PYGB: variants seen among roughly 807,000 people sequenced by gnomAD.
PYGB encodes glycogen phosphorylase B, also known as glycogen phosphorylase, brain form.
PYGB carries 82 observed loss-of-function variants against 94.3 expected under a neutral mutation model. That is an observed-to-expected ratio of 0.87 (90% CI 0.73 to 1.04). The LOEUF (loss-of-function observed/expected upper bound fraction) is 1.04. Among genes scored for constraint, PYGB ranks in the 50% least tolerant of loss-of-function variants. The probability of loss-of-function intolerance (pLI) is 0.00; values close to 1 mark genes in which losing one functional copy is unlikely to be tolerated. For missense variants in PYGB, 1,132 were observed against 1,158.2 expected (o/e 0.98, Z 0.33); for synonymous variants, 488 against 479.1 (o/e 1.02, Z -0.24).
intron 14 of PYGB, 96 bp downstream of exon 14, chr20:25,284,347 G>A: frequency 6.7e-7 from 1 of 1,489,504 alleles, no homozygotes; most frequent in African/African-American, 1.4e-5. Flanking sequence ...TGTCATGGTG[G>A]GGGCTGTGTG....
intron 1 of PYGB, among the ~76,000 whole-genome samples, chr20:25,252,379 G>A (rs1004997893): frequency 3.3e-5 from 5 of 152,296 alleles, no homozygotes; most frequent in African/African-American, 1.2e-4. Context: ...TCGGGGGGTG[G>A]TGTTTCCCAC....
At position 25,259,657 on chromosome 20, in the gene PYGB, A is replaced by G. The variant is rs537839927; in HGVS notation, c.345+319A>G. On this transcript the variant is annotated intron_variant, in intron 2 of 19. Transcript: ENST00000216962. ...GAGCACTGCACCAGTGGTTGGTATT[A>G]TTCCATTTTGACTTCATCAAACTGC... 3.3e-5 allele frequency among the ~76,000 whole-genome samples: 5 copies of G among 152,284 alleles called. No individual in the cohort carries two copies. The East Asian group carries it at 7.7e-4, about 24-fold the overall frequency.
chr20:25,285,965 G>A (rs1437861505), intron 14 of PYGB, among the ~76,000 whole-genome samples: 1 of 152,212 alleles, frequency 6.6e-6, no homozygotes, highest in Non-Finnish European at 1.5e-5. Context: ...CACCATGAAG[G>A]TCGGTTTGGC....
rs1423670983 is a variant in PYGB at position 25,281,075 on chromosome 20, G to A, written c.1366G>A (p.Val456Met). 6 of 1,614,218 alleles carry A rather than the reference G, an allele frequency of 3.7e-6. No homozygotes were observed. Among genetic ancestry groups the A allele is most frequent in the Non-Finnish European group, 4.2e-6 (5 of 1,180,034 alleles). Residue 456 changes from valine (V) to methionine (M), a missense_variant, in exon 11 of 20, where the codon GTG (valine) becomes ATG (methionine). Val to Met is a conservative substitution (Grantham distance 21). Transcript: ENST00000216962. ...GATTGGGTCCCATGCTGTCAATGGT[G>A]TGGCGAGGATCCACTCGGAGATCGT... Reference protein sequence around the residue: ...CVIGSHAVNGVARIHSEIVKQ... With the variant: ...CVIGSHAVNGMARIHSEIVKQ...
At position 25,274,730 on chromosome 20, in the gene PYGB, G is replaced by T; in HGVS notation, c.660+7G>T. The T allele has an allele frequency of 6.2e-7, 1 of 1,611,160 alleles. No individual in the cohort carries two copies. On this transcript the variant is annotated splice_region_variant and intron_variant, in intron 5 of 19. Coordinates refer to ENST00000216962, the MANE Select transcript of PYGB (RefSeq NM_002862.4). The stretch of plus-strand genomic sequence containing the variant: ...GAAGTGGCTGGACACACAGGTACCT[G>T]GGCTGAAATGTCTGCGGGCAAGGCT...
In PYGB at chr20:25,290,741, C is replaced by T; in HGVS notation, c.1969+119C>T. The T allele has an allele frequency of 7.1e-6, 10 of 1,399,350 alleles. 1 individual carries two copies. In the South Asian group the frequency reaches 1.2e-4, roughly 17 times the overall value. The allele number at this position is 1,399,350 out of a possible 1,614,324, so 86.7% of individuals were successfully genotyped here. A position where few individuals can be genotyped will look rare whatever the true frequency, so the allele number is the denominator to read the frequency against. Reference sequence around the variant, plus strand: ...GCTCTGCCTGGACACCCAGACCTAGCCAGCCGGGCTGCAGGCGAGCAGGGA... The same window carrying T: ...GCTCTGCCTGGACACCCAGACCTAGTCAGCCGGGCTGCAGGCGAGCAGGGA... On this transcript the variant is annotated intron_variant, in intron 16 of 19. Transcript: ENST00000216962.
chr20:25,272,771 G>A (rs1415736010), intron 4 of PYGB, among the ~76,000 whole-genome samples: 3 of 152,206 alleles, frequency 2.0e-5, no homozygotes, highest in Non-Finnish European at 2.9e-5. Flanking sequence ...GAGCTCCAGG[G>A]CAGTCCAGTC....
chr20:25,263,166 C>A (rs1163725812), intron 2 of PYGB, among the ~76,000 whole-genome samples: 1 of 152,246 alleles, frequency 6.6e-6, no homozygotes, highest in Non-Finnish European at 1.5e-5. Flanking sequence ...AATATACATT[C>A]TTCTCAGCAC....
intron 8 of PYGB, 41 bp downstream of exon 8, chr20:25,278,503 G>A (rs2088335547): frequency 6.2e-7 from 1 of 1,609,388 alleles, no homozygotes; most frequent in Non-Finnish European, 8.5e-7. Flanking sequence ...GCCAGGGGCT[G>A]GGCGCCTTCA....
intron 13 of PYGB, among the ~76,000 whole-genome samples, chr20:25,283,723 A>G (rs925461026): frequency 1.3e-5 from 2 of 152,084 alleles, no homozygotes; most frequent in Non-Finnish European, 2.9e-5. Flanking sequence ...CTGGAGGCCC[A>G]TCTACACAGC....
intron 2 of PYGB, among the ~76,000 whole-genome samples, chr20:25,262,443 C>A (rs2092915678): frequency 6.6e-6 from 1 of 152,110 alleles, no homozygotes; most frequent in Non-Finnish European, 1.5e-5. Context: ...ATTTTGTCAC[C>A]ACCAGGCCTG....
At chr20:25,262,833 A>C (rs556977832) in intron 2 of PYGB, among the ~76,000 whole-genome samples, 1 of 152,310 alleles carries the variant, frequency 6.6e-6, no homozygotes, top group South Asian at 2.1e-4. Context: ...CTGATAAAAC[A>C]GACTTTAAAC....
chr20:25,274,772 GCT>G, intron 5 of PYGB, 49 bp downstream of exon 5: 1 of 1,589,446 alleles, frequency 6.3e-7, no homozygotes, highest in African/African-American at 1.3e-5. Flanking sequence ...AGGTGAGGGG[GCT>G]GCTGCGGCTC....
chr20:25,275,198 A>G (rs1260215586), intron 5 of PYGB, among the ~76,000 whole-genome samples: 1 of 152,262 alleles, frequency 6.6e-6, no homozygotes, highest in Non-Finnish European at 1.5e-5. Context: ...CAACTGTCAG[A>G]GCCCCTGGAG....
chr20:25,296,049 T>A (rs2088537904), intron 19 of PYGB, among the ~76,000 whole-genome samples: 1 of 152,146 alleles, frequency 6.6e-6, no homozygotes, highest in African/African-American at 2.4e-5. Flanking sequence ...CCTGGGCATG[T>A]CCCCTGGCAC....
At chr20:25,295,796 G>C (rs2088532996) in intron 19 of PYGB, 126 bp downstream of exon 19, 6 of 1,081,550 alleles carry the variant, frequency 5.5e-6, no homozygotes, top group Non-Finnish European at 8.4e-6. Context: ...TTGTGATTCT[G>C]ATCTGTCATC....
At chr20:25,289,036 A>C (rs1600740841) in intron 15 of PYGB, among the ~76,000 whole-genome samples, 1 of 152,120 alleles carries the variant, frequency 6.6e-6, no homozygotes, top group East Asian at 1.9e-4. Flanking sequence ...GTCCTGCTGG[A>C]GCAGTGGCCC....
Position 25,284,149 on chromosome 20 carries a change from G to C in PYGB, c.1666G>C (p.Val556Leu). 6.2e-7 allele frequency: 1 copy of C among 1,614,072 alleles called. No homozygotes were observed. Among genetic ancestry groups the C allele is most frequent in the South Asian group, 1.1e-5 (1 of 91,082 alleles). ...FSAFLEKEYK[V>L]KINPSSMFDV... is the part of the protein sequence containing the mutation. ...GGCCTTCCTGGAGAAGGAGTACAAG[G>C]TGAAGATCAACCCCTCCTCCATGTT... Residue 556 changes from valine to leucine, a missense_variant, in exon 14 of 20, where the codon GTG (valine) becomes CTG (leucine). Physicochemically the swap from Val to Leu is conservative, Grantham distance 32. Coordinates refer to ENST00000216962, the MANE Select transcript of PYGB (RefSeq NM_002862.4).
At chr20:25,251,975 C>T (rs73612661) in intron 1 of PYGB, among the ~76,000 whole-genome samples, 7,068 of 152,292 alleles carry the variant, frequency 0.046, 181 homozygotes, top group Middle Eastern at 0.11. Context: ...GACCCTTCTG[C>T]TCTGTGATCC....
Sources: allele counts gnomAD v4.1 joint callset (sites outside exome capture counted in the v4.1 genomes callset), GRCh38; gene constraint gnomAD v4.1.1; transcripts MANE v1.5; gene names NCBI Gene and HGNC (gene_info 2026-07-23, HGNC 2026-07-21).